PKN3: variants seen among roughly 807,000 people sequenced by gnomAD.
PKN3 encodes protein kinase N3.
PKN3 carries 91 observed loss-of-function variants against 113.1 expected under a neutral mutation model. The ratio of observed to expected loss-of-function variants is 0.80; its 90% CI spans 0.68 to 0.96. The LOEUF (loss-of-function observed/expected upper bound fraction) is 0.96. PKN3 is among the 40% of genes least tolerant of loss of function. PKN3 has a pLI of 0.00. For missense variants in PKN3, 1,052 were observed against 1,202.2 expected (o/e 0.88, Z 1.85); for synonymous variants, 467 against 499.0 (o/e 0.94, Z 0.85).
chr9:128,707,109 A>G, intron 5 of PKN3, 86 bp downstream of exon 5: 2 of 1,598,178 alleles, frequency 1.3e-6, no homozygotes, highest in Admixed American at 3.4e-5. Flanking sequence ...GTGGCCGTGT[A>G]AAAGCAGGAC....
At position 128,715,731 on chromosome 9, in the gene PKN3, T is replaced by C. The variant is rs933617230; in HGVS notation, c.1808+271T>C. 2.0e-5 allele frequency among the ~76,000 whole-genome samples: 3 copies of C among 152,136 alleles called. No individual in the cohort carries two copies. The highest frequency in any genetic ancestry group is 4.4e-5 in the Non-Finnish European group (3 of 68,026). On this transcript the variant is annotated intron_variant, in intron 15 of 21. Transcript: ENST00000291906. This position sits in a 1 kb window ranked among gnomAD's most constrained non-coding sequence, Gnocchi z 4.1. ...CTGACATATAGAAACCATCACTCTA[T>C]GGCCAGGCGTGGTAACTCATGCATG...
At position 128,720,093 on chromosome 9, in the gene PKN3, C is replaced by A. The variant is rs1275929635; in HGVS notation, c.2376+76C>A. 48 of 1,521,978 alleles carry A rather than the reference C, an allele frequency of 3.2e-5. No individual in the cohort carries two copies. The highest frequency in any genetic ancestry group is 4.4e-5 in the Non-Finnish European group (48 of 1,098,664). The allele number at this position is 1,521,978 out of a possible 1,614,324, so 94.3% of individuals were successfully genotyped here. A position where few individuals can be genotyped will look rare whatever the true frequency, so the allele number is the denominator to read the frequency against. Reference sequence around the variant, plus strand: ...GTGCCCTCTGCCGTGGGACAGCAGACCCCCTGCCACCCATCCTTAGAGCGC... The same window carrying A: ...GTGCCCTCTGCCGTGGGACAGCAGAACCCCTGCCACCCATCCTTAGAGCGC... On this transcript the variant is annotated intron_variant, in intron 20 of 21. Transcript: ENST00000291906. The surrounding 1 kb of genome is among the most constrained non-coding windows in gnomAD (Gnocchi z 5.5).
chr9:128,717,714 T>C (rs1715443326), intron 16 of PKN3, among the ~76,000 whole-genome samples: 1 of 126,126 alleles, frequency 7.9e-6, no homozygotes, highest in African/African-American at 3.1e-5. Flanking sequence ...AGAGTGAGAC[T>C]CCATCTAAAA....
At chr9:128,704,303 C>G (rs1431744709) in intron 1 of PKN3, among the ~76,000 whole-genome samples, 1 of 152,182 alleles carries the variant, frequency 6.6e-6, no homozygotes, top group Non-Finnish European at 1.5e-5. Context: ...CTCCCGGGAG[C>G]TGAGCAGGGA....
chr9:128,715,675 G>C lies in PKN3; in HGVS notation c.1808+215G>C, dbSNP rs1862317990. ...CTACTGTAAAATGGGGGCATTGGTG[G>C]CTGTGCACGTTCAGAGCTCCTTGTG... On this transcript the variant is annotated intron_variant, in intron 15 of 21. Transcript: ENST00000291906. The surrounding 1 kb of genome is among the most constrained non-coding windows in gnomAD (Gnocchi z 4.1). Among the ~76,000 whole-genome samples, 1 of 152,186 alleles carries C rather than the reference G, an allele frequency of 6.6e-6. No individual in the cohort carries two copies.
chr9:128,719,152 G>A (rs1310130910), intron 18 of PKN3, among the ~76,000 whole-genome samples: 5 of 148,104 alleles, frequency 3.4e-5, no homozygotes, highest in East Asian at 4.0e-4. Context: ...CACCTTGGCC[G>A]CCCAAAGTGC....
chr9:128,715,661 TG>T lies in PKN3; in HGVS notation c.1808+206del, dbSNP rs1025634850. Among the ~76,000 whole-genome samples the T allele has an allele frequency of 6.6e-6, 1 of 152,118 alleles. No homozygotes were observed. Among genetic ancestry groups the T allele is most frequent in the Non-Finnish European group, 1.5e-5 (1 of 68,034 alleles). Reference sequence around the variant, plus strand: ...TCTGTCAGTTTGCTCTACTGTAAAATGGGGGCATTGGTGGCTGTGCACGTTC... The same window carrying T: ...TCTGTCAGTTTGCTCTACTGTAAAATGGGGCATTGGTGGCTGTGCACGTTC... On this transcript the variant is annotated intron_variant, in intron 15 of 21. Transcript: ENST00000291906. The surrounding 1 kb of genome is among the most constrained non-coding windows in gnomAD (Gnocchi z 4.1).
chr9:128,712,413 C>T (rs370672262), intron 6 of PKN3, among the ~76,000 whole-genome samples: 1 of 152,198 alleles, frequency 6.6e-6, no homozygotes, highest in African/African-American at 2.4e-5. Flanking sequence ...GAACTTACTC[C>T]GTTGACAAAA....
At chr9:128,716,423 C>T (rs1470760421) in intron 15 of PKN3, among the ~76,000 whole-genome samples, 2 of 151,124 alleles carry the variant, frequency 1.3e-5, no homozygotes, top group African/African-American at 4.9e-5. Context: ...CACAGCGAAA[C>T]CCTGCGTCTA....
rs1373408849 is a variant in PKN3 at position 128,713,607 on chromosome 9, C to T, written c.1201C>T (p.Leu401Phe). Residue 401 changes from leucine (L) to phenylalanine (F), a missense_variant, in exon 9 of 22, where the codon CTC (leucine) becomes TTC (phenylalanine). Transcript: ENST00000291906. ...FLDNACHQLS[L>F]SLVPQGLLFA... is the part of the protein sequence containing the mutation. Reference sequence around the variant, plus strand: ...GGACAATGCCTGTCACCAACTGTCCCTCAGCCTGGTACCGCAGGGACTGCT... The same window carrying T: ...GGACAATGCCTGTCACCAACTGTCCTTCAGCCTGGTACCGCAGGGACTGCT... 3.1e-6 allele frequency: 5 copies of T among 1,613,784 alleles called. No individual in the cohort carries two copies. Among genetic ancestry groups the T allele is most frequent in the Non-Finnish European group, 4.2e-6 (5 of 1,179,998 alleles).
At chr9:128,709,068 G>C (rs1322314764) in intron 6 of PKN3, among the ~76,000 whole-genome samples, 1 of 150,442 alleles carries the variant, frequency 6.6e-6, no homozygotes, top group Non-Finnish European at 1.5e-5. Context: ...GGCGGATCAC[G>C]AGGTCAGGAG....
Position 128,715,447 on chromosome 9 carries a change from GA to G in PKN3, c.1796del (p.Asp599AlafsTer3), listed in dbSNP as rs1564376262. ...GAAGAAGCAGGAGGTGCTCAGCCGG[GA>G]CGAGATAGAGAGGTGTGTGGGGGTG... ...ALKKQEVLSRDEIESLYCEKR... is the reference protein window; with the variant it reads ...ALKKQEVLSRXEIESLYCEKR... On this transcript the variant is annotated frameshift_variant, in exon 15 of 22. Coordinates refer to ENST00000291906, the MANE Select transcript of PKN3 (RefSeq NM_013355.5). LOFTEE classifies it high-confidence loss of function. The surrounding 1 kb of genome is among the most constrained non-coding windows in gnomAD (Gnocchi z 4.1). 6.2e-7 allele frequency: 1 copy of G among 1,613,738 alleles called. No homozygotes were observed.
rs1344518307 is a variant in PKN3 at position 128,705,341 on chromosome 9, G to A, written c.63G>A (p.Glu21=). 5.7e-6 allele frequency: 9 copies of A among 1,572,928 alleles called. No individual in the cohort carries two copies. The South Asian group carries it at 9.3e-5, about 16-fold the overall frequency. The part of the protein sequence containing the change: ...PSQWPPEDEK[E]VIRRAIQKEL... ...AGTGGCCCCCAGAGGATGAGAAGGA[G>A]GTGATCCGCCGGGCCATCCAGAAAG... The change falls in exon 2 of 22, where the codon GAG becomes GAA. Residue 21 remains glutamate (E), a synonymous_variant. Transcript: ENST00000291906.
chr9:128,719,553 A>G, intron 18 of PKN3, 133 bp from the exon 19 acceptor site: 1 of 911,440 alleles, frequency 1.1e-6, no homozygotes, highest in Non-Finnish European at 1.7e-6. Context: ...TGGCGTCATA[A>G]CCATTCCCAC....
At chr9:128,717,207 C>G (rs934646757) in intron 16 of PKN3, among the ~76,000 whole-genome samples, 1 of 135,866 alleles carries the variant, frequency 7.4e-6, no homozygotes, top group African/African-American at 2.7e-5. Context: ...CGGCTCACCA[C>G]AACCTCCGCC....
At chr9:128,708,988 C>CA (rs1589480356) in intron 6 of PKN3, among the ~76,000 whole-genome samples, 1 of 149,166 alleles carries the variant, frequency 6.7e-6, no homozygotes, top group African/African-American at 2.5e-5. Context: ...TCCATCTCTA[C>CA]AAAAAATACA....
Position 128,715,441 on chromosome 9 carries a change from A to G in PKN3, c.1789A>G (p.Ser597Gly). 6.2e-7 allele frequency: 1 copy of G among 1,613,802 alleles called. No homozygotes were observed. The highest frequency in any genetic ancestry group is 8.5e-7 in the Non-Finnish European group (1 of 1,179,892). The change falls in exon 15 of 22, where the codon AGC becomes GGC. Residue 597 changes from serine to glycine, a missense_variant. Transcript: ENST00000291906. This position sits in a 1 kb window ranked among gnomAD's most constrained non-coding sequence, Gnocchi z 4.1. ...AGCACTGAAGAAGCAGGAGGTGCTC[A>G]GCCGGGACGAGATAGAGAGGTGTGT... ...IKALKKQEVL[S>G]RDEIESLYCE...
At chr9:128,705,212 C>T in intron 1 of PKN3, 91 bp from the exon 2 acceptor site, 1 of 1,488,316 alleles carries the variant, frequency 6.7e-7, no homozygotes, top group Non-Finnish European at 9.0e-7. Context: ...GCCGTCCCTT[C>T]CTTCGCCTCC....
chr9:128,707,108 T>A (rs1008583787), intron 5 of PKN3, 85 bp downstream of exon 5: 41 of 1,596,752 alleles, frequency 2.6e-5, no homozygotes, highest in Non-Finnish European at 3.3e-5. Context: ...GGTGGCCGTG[T>A]AAAAGCAGGA....
Sources: gnomAD v4.1 joint callset for allele counts (sites outside exome capture counted in the v4.1 genomes callset) on GRCh38, gnomAD v4.1.1 for gene constraint, Gnocchi (gnomAD v3.1) non-coding constraint, MANE v1.5 for transcripts, NCBI Gene and HGNC (gene_info 2026-07-23, HGNC 2026-07-21) for gene names.